The following SLC5A4 variants were observed in gnomAD, a reference collection of about 807,000 sequenced individuals.
SLC5A4 encodes the protein solute carrier family 5 member 4.
SLC5A4 carries 55 observed loss-of-function variants against 70.3 expected under a neutral mutation model. The ratio of observed to expected loss-of-function variants is 0.78; its 90% CI spans 0.63 to 0.98. The LOEUF (loss-of-function observed/expected upper bound fraction) is 0.98. Ranked by LOEUF, SLC5A4 falls within the 50% of genes least tolerant of loss-of-function variation. The pLI, the probability that SLC5A4 is intolerant of heterozygous loss-of-function variation, is 0.00. For missense variants in SLC5A4, 735 were observed against 839.2 expected, an observed-to-expected ratio of 0.88 and a Z score of 1.53; for synonymous variants, 268 against 305.7, an observed-to-expected ratio of 0.88 and a Z score of 1.29.
At chr22:32,224,535 A>G in intron 12 of SLC5A4, 53 bp from the exon 13 acceptor site, 2 of 1,400,816 alleles carry the variant, frequency 1.4e-6, no homozygotes, top group Non-Finnish European at 2.0e-6. Context: ...TGAGAAGCTT[A>G]TTCAAGTAAG....
chr22:32,311,577 G>C, the SLC5A4 span, among the ~76,000 whole-genome samples: 1 of 152,170 alleles, frequency 6.6e-6, no homozygotes, highest in Non-Finnish European at 1.5e-5. Flanking sequence ...ATTCAAAGCG[G>C]GTGGATTTCT....
rs762816686 is a variant in SLC5A4 at position 32,234,853 on chromosome 22, C to G, written c.885+20G>C. ...AGACAGACAGACAGACAGACAGACACACATATACATATACTTCACCTGATT... is the reference window on the plus strand; with the variant it reads ...AGACAGACAGACAGACAGACAGACAGACATATACATATACTTCACCTGATT... On this transcript the variant is annotated intron_variant, in intron 8 of 14. Coordinates refer to ENST00000266086, the MANE Select transcript of SLC5A4 (RefSeq NM_014227.3). 1.0e-5 allele frequency: 16 copies of G among 1,526,014 alleles called. No homozygotes were observed. Among genetic ancestry groups the G allele is most frequent in the Admixed American group, 5.0e-5 (3 of 59,884 alleles). The allele number at this position is 1,526,014 out of a possible 1,614,324, so 94.5% of individuals were successfully genotyped here.
At chr22:32,235,967 A>G (rs1181566915) in intron 7 of SLC5A4, among the ~76,000 whole-genome samples, 3 of 152,192 alleles carry the variant, frequency 2.0e-5, no homozygotes, top group Non-Finnish European at 4.4e-5. Flanking sequence ...TTAGATAAAT[A>G]TGGTTTGCAA....
the SLC5A4 span, chr22:32,284,944 T>C: frequency 6.6e-6 from 1 of 152,234 alleles, no homozygotes; most frequent in African/African-American, 2.4e-5. Context: ...TAACATTTTG[T>C]TATATTTGTG....
chr22:32,323,521 C>G, the SLC5A4 span, among the ~76,000 whole-genome samples: 1 of 152,210 alleles, frequency 6.6e-6, no homozygotes, highest in Non-Finnish European at 1.5e-5. Context: ...GACTCATTCT[C>G]AGCCCAGGAC....
chr22:32,235,446 A>G lies in SLC5A4; in HGVS notation c.665-353T>C, dbSNP rs150747742. Among the ~76,000 whole-genome samples the G allele has an allele frequency of 2.9e-3, 449 of 152,298 alleles. 9 individuals are homozygous for G. Among genetic ancestry groups the G allele is most frequent in the African/African-American group, 0.01 (435 of 41,520 alleles). ...TAAGCAAACTGGAAGGTGAGCTAAC[A>G]AAGTGAGCCTCATGAAATTATCCAT... On this transcript the variant is annotated intron_variant, in intron 7 of 14. Transcript: ENST00000266086.
the SLC5A4 span, among the ~76,000 whole-genome samples, chr22:32,316,061 C>A: frequency 2.1e-5 from 3 of 142,084 alleles, no homozygotes; most frequent in East Asian, 6.4e-4. Flanking sequence ...CCCAGCTACT[C>A]GGGAGGCTGA....
At chr22:32,338,893 G>T in the SLC5A4 span, among the ~76,000 whole-genome samples, 315 of 152,298 alleles carry the variant, frequency 2.1e-3, 2 homozygotes, top group African/African-American at 7.2e-3. Flanking sequence ...ACTCACAAAG[G>T]TGTCTGCTGT....
intron 3 of SLC5A4, among the ~76,000 whole-genome samples, chr22:32,249,392 T>C (rs1482549501): frequency 6.6e-6 from 1 of 152,198 alleles, no homozygotes; most frequent in Non-Finnish European, 1.5e-5. Flanking sequence ...CTCAGTTCTC[T>C]GCAGCCTGCT....
the SLC5A4 span, among the ~76,000 whole-genome samples, chr22:32,291,874 CTATCTTTTTTTTTTT>C: frequency 1.5e-5 from 1 of 64,926 alleles, no homozygotes; most frequent in African/African-American, 5.7e-5. Flanking sequence ...TTTTTCTTTT[CTATCTTTTTTTTTTT>C]GGAGATGGAG....
chr22:32,293,128 G>A, the SLC5A4 span, among the ~76,000 whole-genome samples: 12 of 152,112 alleles, frequency 7.9e-5, no homozygotes, highest in Non-Finnish European at 1.5e-4. Context: ...TGCACAGCAT[G>A]TCTTTTCCCA....
the SLC5A4 span, among the ~76,000 whole-genome samples, chr22:32,304,823 T>C: frequency 7.3e-5 from 11 of 150,606 alleles, no homozygotes; most frequent in Non-Finnish European, 1.5e-4. Context: ...TCATCTAGAT[T>C]TTCTCCTATG....
At chr22:32,256,624 C>G (rs763143575), upstream of SLC5A4, among the ~76,000 whole-genome samples, 4 of 152,140 alleles carry the variant, frequency 2.6e-5, no homozygotes, top group Non-Finnish European at 5.9e-5. Flanking sequence ...TTCTTTCTTA[C>G]TATATAAATT....
chr22:32,342,139 AAAATGGCTAATGCTACAC>A, the SLC5A4 span, among the ~76,000 whole-genome samples: 36 of 152,358 alleles, frequency 2.4e-4, no homozygotes, highest in South Asian at 1.2e-3. Flanking sequence ...AATAAAACTG[AAAATGGCTAATGCTACAC>A]AAATGGCTAA....
the SLC5A4 span, among the ~76,000 whole-genome samples, chr22:32,329,530 GGGGGCTCTGTGTCTGTTGA>G: frequency 1.1e-4 from 17 of 150,570 alleles, no homozygotes; most frequent in Non-Finnish European, 5.9e-5. Flanking sequence ...TGTTTCTTGG[GGGGGCTCTGTGTCTGTTGA>G]GGGGCTCTGG....
At chr22:32,344,483 T>G in the SLC5A4 span, among the ~76,000 whole-genome samples, 5 of 152,184 alleles carry the variant, frequency 3.3e-5, no homozygotes, top group African/African-American at 4.8e-5. Context: ...ACATAAAGTT[T>G]TTATTGCATC....
At chr22:32,333,593 G>T in the SLC5A4 span, among the ~76,000 whole-genome samples, 1 of 152,052 alleles carries the variant, frequency 6.6e-6, no homozygotes, top group Non-Finnish European at 1.5e-5. Context: ...AGGCCCTGGT[G>T]CCCTTGCATC....
chr22:32,333,194 G>GCGGGGGGGGGGGCCCCCC, the SLC5A4 span, among the ~76,000 whole-genome samples: 1 of 111,504 alleles, frequency 9.0e-6, no homozygotes, highest in East Asian at 3.4e-4. Context: ...TCTAGCACTG[G>GCGGGGGGGGGGGCCCCCC]CACCCCCCCC....
the SLC5A4 span, chr22:32,276,537 G>A: frequency 6.6e-6 from 1 of 152,158 alleles, no homozygotes; most frequent in Non-Finnish European, 1.5e-5. Flanking sequence ...AAATAATTAG[G>A]TGCTGATTAA....
Sources: gnomAD v4.1 joint callset for allele counts (sites outside exome capture counted in the v4.1 genomes callset) on GRCh38, gnomAD v4.1.1 for gene constraint, MANE v1.5 for transcripts, NCBI Gene and HGNC (gene_info 2026-07-23, HGNC 2026-07-21) for gene names.